The following SLC2A14 variants were observed in gnomAD, a reference collection of about 807,000 sequenced individuals.
The protein encoded by SLC2A14 is solute carrier family 2 member 14.
In SLC2A14, 13 loss-of-function variants were observed where a neutral mutation model predicts 43.0. The observed-to-expected ratio is 0.30, with a 90% CI of 0.20 to 0.48. The LOEUF is 0.48. SLC2A14 is among the 20% of genes least tolerant of loss of function. The pLI is 0.99. For missense variants in SLC2A14, 428 were observed against 620.4 expected, an observed-to-expected ratio of 0.69 and a Z score of 3.29; for synonymous variants, 190 against 233.8, an observed-to-expected ratio of 0.81 and a Z score of 1.71.
chr12:7,879,223 CATTATT>C (rs1427937161), intron 1 of SLC2A14, among the ~76,000 whole-genome samples: 1 of 150,386 alleles, frequency 6.6e-6, no homozygotes, highest in Admixed American at 6.7e-5. Flanking sequence ...ATGCAGTACT[CATTATT>C]ATTATTATTT....
intron 3 of SLC2A14, among the ~76,000 whole-genome samples, 178 bp from the exon 4 acceptor site, chr12:7,831,942 C>G (rs1206260087): frequency 6.6e-6 from 1 of 152,164 alleles, no homozygotes; most frequent in Middle Eastern, 3.2e-3. Context: ...AACCCCGTCT[C>G]TACTAAAAAT....
In SLC2A14 at chr12:7,821,264, GT is replaced by G. The variant is rs754432863; in HGVS notation, c.925del (p.Thr309ProfsTer29). 1 of 1,613,980 alleles carries G rather than the reference GT, an allele frequency of 6.2e-7. No homozygotes were observed. The highest frequency in any genetic ancestry group is 1.3e-5 in the African/African-American group (1 of 75,022). On this transcript the variant is annotated frameshift_variant, in exon 8 of 11. Coordinates refer to ENST00000431042, the MANE Select transcript of SLC2A14 (RefSeq NM_001286234.2). LOFTEE classifies it high-confidence loss of function. ...DAGVQQPIYA[T>X]ISAGVVNTIF... is the part of the protein sequence containing the mutation. The stretch of plus-strand genomic sequence containing the variant: ...AGTATTAACCACACCCGCGCTGATG[GT>G]GGCATAGATGGGCTGTTGAACACCT...
intron 1 of SLC2A14, among the ~76,000 whole-genome samples, chr12:7,881,094 G>A (rs1300233504): frequency 1.3e-5 from 2 of 152,114 alleles, no homozygotes; most frequent in African/African-American, 4.8e-5. Context: ...AGCCGAAATC[G>A]CACTGAGAGG....
At chr12:7,864,784 C>T (rs1242022178) in intron 2 of SLC2A14, among the ~76,000 whole-genome samples, 1 of 152,134 alleles carries the variant, frequency 6.6e-6, no homozygotes, top group African/African-American at 2.4e-5. Context: ...CCTCTATCTG[C>T]ACAAAAAGAG....
At chr12:7,819,255 T>A (rs1397876803) in intron 9 of SLC2A14, among the ~76,000 whole-genome samples, 1 of 152,138 alleles carries the variant, frequency 6.6e-6, no homozygotes, top group African/African-American at 2.4e-5. Context: ...TTAAATTAGA[T>A]AACTTATTTT....
At chr12:7,821,396 C>T (rs1466996612) in intron 7 of SLC2A14, 71 bp from the exon 8 acceptor site, 6 of 1,394,834 alleles carry the variant, frequency 4.3e-6, no homozygotes, top group African/African-American at 1.4e-5. Context: ...TCAAAAAATA[C>T]TTAAGGCTGA....
chr12:7,855,245 T>C (rs1408257314), intron 2 of SLC2A14, among the ~76,000 whole-genome samples: 1 of 152,164 alleles, frequency 6.6e-6, no homozygotes, highest in African/African-American at 2.4e-5. Context: ...GACAGTTATG[T>C]CAATTTCAAT....
chr12:7,826,762 G>C (rs1017522329), intron 7 of SLC2A14, among the ~76,000 whole-genome samples: 10 of 151,960 alleles, frequency 6.6e-5, no homozygotes, highest in African/African-American at 2.4e-4. Flanking sequence ...AAAACATAGA[G>C]ACTGGTAAAG....
At chr12:7,826,862 T>C (rs28540675) in intron 7 of SLC2A14, among the ~76,000 whole-genome samples, 938 of 30,256 alleles carry the variant, frequency 0.031, 167 homozygotes, top group East Asian at 0.064. Context: ...TCCTTTCTTT[T>C]TTCTTTCTTT....
At chr12:7,887,003 C>T (rs1592337858) in intron 1 of SLC2A14, among the ~76,000 whole-genome samples, 2 of 151,344 alleles carry the variant, frequency 1.3e-5, no homozygotes, top group South Asian at 4.2e-4. Context: ...CCTCCGCCTC[C>T]CAGGTTCAAG....
At position 7,827,458 on chromosome 12, in the gene SLC2A14, T is replaced by C. The variant is rs200020251; in HGVS notation, c.864+37A>G. On this transcript the variant is annotated intron_variant, in intron 7 of 10. Transcript: ENST00000431042. ...CATGCCTGGCATTTTAAGTGAAATATTGTAAGACACGTTTGACCCTAAAGT... is the reference window on the plus strand; with the variant it reads ...CATGCCTGGCATTTTAAGTGAAATACTGTAAGACACGTTTGACCCTAAAGT... 4,963 of 1,598,194 alleles carry C rather than the reference T, an allele frequency of 3.1e-3. 157 individuals carry two copies. The East Asian group carries it at 0.047, about 15-fold the overall frequency.
chr12:7,866,224 C>CA (rs1294745106), intron 2 of SLC2A14, among the ~76,000 whole-genome samples: 32,425 of 93,252 alleles, frequency 0.35, 4,887 homozygotes, highest in Middle Eastern at 0.39. Flanking sequence ...GACTCTGTCT[C>CA]AAAAAAAAAA....
chr12:7,867,196 T>G (rs978596186), intron 2 of SLC2A14, among the ~76,000 whole-genome samples: 4 of 146,340 alleles, frequency 2.7e-5, no homozygotes, highest in African/African-American at 7.6e-5. Flanking sequence ...GGAGAATGGC[T>G]TGAACCCAGG....
In SLC2A14 at chr12:7,881,527, G is replaced by A. The variant is rs1280958303; in HGVS notation, c.132+9469C>T. On this transcript the variant is annotated intron_variant, in intron 1 of 9. Transcript: ENST00000539924. ...CCTTAGCTGCCTTCCCATGGGGCAG[G>A]GCTCAGGACCTGCAGCCCGCCATGC... 2.6e-5 allele frequency among the ~76,000 whole-genome samples: 4 copies of A among 152,244 alleles called. No homozygotes were observed. The East Asian group carries it at 7.7e-4, about 29-fold the overall frequency.
chr12:7,852,108 T>C (rs1866981632), intron 2 of SLC2A14, among the ~76,000 whole-genome samples: 1 of 152,166 alleles, frequency 6.6e-6, no homozygotes, highest in Admixed American at 6.5e-5. Flanking sequence ...TGTATTTACT[T>C]AGTTTTTAGA....
chr12:7,835,149 AAC>A (rs1865342497), intron 2 of SLC2A14, among the ~76,000 whole-genome samples: 1 of 152,302 alleles, frequency 6.6e-6, no homozygotes, highest in African/African-American at 2.4e-5. Flanking sequence ...TAAATTTCAA[AAC>A]AGAGTAAGTT....
intron 2 of SLC2A14, chr12:7,840,005 G>C (rs761030613): frequency 2.8e-6 from 1 of 354,942 alleles, no homozygotes; most frequent in Non-Finnish European, 5.5e-6. Flanking sequence ...CCAGCTACTC[G>C]GGTGGCTGAG....
intron 2 of SLC2A14, among the ~76,000 whole-genome samples, chr12:7,836,218 T>C (rs948306177): frequency 1.1e-5 from 1 of 93,480 alleles, no homozygotes; most frequent in African/African-American, 4.3e-5. Context: ...GAGCCACAGA[T>C]ATAACTTTTT....
chr12:7,873,783 TAAA>T (rs1037803903), upstream of SLC2A14, among the ~76,000 whole-genome samples: 1 of 152,080 alleles, frequency 6.6e-6, no homozygotes, highest in Non-Finnish European at 1.5e-5. Context: ...TTTGGAGTAA[TAAA>T]GATCATCCCC....
Sources: allele counts gnomAD v4.1 joint callset (sites outside exome capture counted in the v4.1 genomes callset), GRCh38; gene constraint gnomAD v4.1.1; transcripts MANE v1.5; gene names NCBI Gene and HGNC (gene_info 2026-07-23, HGNC 2026-07-21).